The following DLGAP2 variants were observed in gnomAD, a reference collection of about 807,000 sequenced individuals.
DLGAP2 encodes DLG associated protein 2.
Under a neutral mutation model 100.3 loss-of-function variants are expected in DLGAP2, and 26 were observed. The ratio of observed to expected loss-of-function variants is 0.26; its 90% confidence interval spans 0.19 to 0.36. The LOEUF (loss-of-function observed/expected upper bound fraction) is 0.36. DLGAP2 is among the 10% of genes least tolerant of loss of function. The pLI is 1.00. For missense variants in DLGAP2, 1,858 were observed against 1,453.2 expected (o/e 1.28, Z -4.53); for synonymous variants, 886 against 630.1 (o/e 1.41, Z -6.08).
intron 12 of DLGAP2, among the ~76,000 whole-genome samples, chr8:1,681,088 T>C (rs549832902): frequency 3.3e-5 from 5 of 152,170 alleles, no homozygotes; most frequent in Admixed American, 1.3e-4. Flanking sequence ...GAGGTCATGT[T>C]TGTTTGTCAG....
chr8:1,012,844 C>T (rs185671310), intron 2 of DLGAP2, among the ~76,000 whole-genome samples: 88 of 151,988 alleles, frequency 5.8e-4, no homozygotes, highest in African/African-American at 2.1e-3. Flanking sequence ...CGCCTCCACC[C>T]ATCACGATAA....
At chr8:812,089 C>T (rs970821891) in intron 1 of DLGAP2, among the ~76,000 whole-genome samples, 3 of 152,224 alleles carry the variant, frequency 2.0e-5, no homozygotes, top group Non-Finnish European at 4.4e-5. Flanking sequence ...TGTGCTCCTC[C>T]ATCTCTGCAA....
At chr8:1,030,988 T>C (rs778965307) in intron 2 of DLGAP2, among the ~76,000 whole-genome samples, 4 of 152,214 alleles carry the variant, frequency 2.6e-5, no homozygotes, top group Non-Finnish European at 5.9e-5. Flanking sequence ...GTTGTTTTCA[T>C]TGTATTTAGA....
intron 1 of DLGAP2, among the ~76,000 whole-genome samples, chr8:788,332 G>A (rs1425026684): frequency 6.6e-6 from 1 of 152,218 alleles, no homozygotes; most frequent in African/African-American, 2.4e-5. Context: ...CTTGGCATCT[G>A]TGTTCACATG....
chr8:1,309,167 G>A (rs942779125), intron 3 of DLGAP2, among the ~76,000 whole-genome samples: 6 of 151,924 alleles, frequency 3.9e-5, no homozygotes, highest in Admixed American at 6.6e-5. Flanking sequence ...AAAAGAGAAC[G>A]AAATGAAAAG....
intron 1 of DLGAP2, among the ~76,000 whole-genome samples, chr8:844,453 C>A (rs1272347217): frequency 1.3e-5 from 2 of 152,198 alleles, no homozygotes; most frequent in African/African-American, 4.8e-5. Context: ...TCCTTCCTCA[C>A]CCATCAAGGA....
At chr8:1,412,168 C>T (rs577973804) in intron 3 of DLGAP2, among the ~76,000 whole-genome samples, 18 of 152,338 alleles carry the variant, frequency 1.2e-4, no homozygotes, top group African/African-American at 3.4e-4. Flanking sequence ...AGCTCCAGTG[C>T]TATGGCTCCC....
intron 3 of DLGAP2, among the ~76,000 whole-genome samples, chr8:1,324,619 C>CA (rs1800979366): frequency 6.6e-6 from 1 of 152,180 alleles, no homozygotes; most frequent in Admixed American, 6.5e-5. Flanking sequence ...AATGTAAGGA[C>CA]AAGTGTTATC....
intron 1 of DLGAP2, among the ~76,000 whole-genome samples, chr8:836,923 C>T (rs1236475112): frequency 1.3e-5 from 2 of 152,238 alleles, no homozygotes; most frequent in African/African-American, 2.4e-5. Context: ...CACATGCACA[C>T]ACCTGCTGCT....
In DLGAP2 at chr8:1,678,385, T is replaced by A; in HGVS notation, c.2460T>A (p.Thr820=). ...STPTQYSAVR[T]VRTQGLFSYR... is the part of the protein sequence containing the mutation. ...CCACCCAGTACAGCGCGGTGAGAAC[T>A]GTACGGACCCAGGGGCTCTTCAGCT... The change falls in exon 12 of 15, where the codon ACT becomes ACA. Residue 820 remains threonine, a synonymous_variant. Coordinates refer to ENST00000637795, the MANE Select transcript of DLGAP2 (RefSeq NM_001346810.2). The A allele has an allele frequency of 6.2e-7, 1 of 1,613,930 alleles. No individual in the cohort carries two copies. Among genetic ancestry groups the A allele is most frequent in the Non-Finnish European group, 8.5e-7 (1 of 1,179,856 alleles).
chr8:1,494,113 C>T (rs548362618), intron 3 of DLGAP2, among the ~76,000 whole-genome samples: 1 of 152,342 alleles, frequency 6.6e-6, no homozygotes, highest in East Asian at 1.9e-4. Context: ...CTGCAGGGCC[C>T]ACACACAGTG....
At chr8:1,139,616 A>G (rs1341364809) in intron 2 of DLGAP2, among the ~76,000 whole-genome samples, 3 of 152,158 alleles carry the variant, frequency 2.0e-5, no homozygotes, top group African/African-American at 7.2e-5. Flanking sequence ...AGTCCGTGGC[A>G]AGTAGGAAGC....
intron 3 of DLGAP2, among the ~76,000 whole-genome samples, chr8:1,500,721 C>A (rs1246745802): frequency 6.6e-6 from 1 of 152,240 alleles, no homozygotes; most frequent in Non-Finnish European, 1.5e-5. Context: ...CAGCCACATG[C>A]TGATGTCATT....
intron 1 of DLGAP2, among the ~76,000 whole-genome samples, chr8:838,502 C>G (rs985247310): frequency 6.6e-6 from 1 of 151,858 alleles, no homozygotes; most frequent in Non-Finnish European, 1.5e-5. Flanking sequence ...ATATATGGGT[C>G]TTCAGGAATT....
chr8:1,306,112 G>T (rs930237861), intron 3 of DLGAP2, among the ~76,000 whole-genome samples: 1 of 135,294 alleles, frequency 7.4e-6, no homozygotes, highest in Non-Finnish European at 1.6e-5. Flanking sequence ...AGAAAAAATA[G>T]AAAATCATCC....
At chr8:1,036,165 G>C (rs1237377363) in intron 2 of DLGAP2, among the ~76,000 whole-genome samples, 4 of 80,436 alleles carry the variant, frequency 5.0e-5, no homozygotes, top group Admixed American at 1.3e-4. Context: ...GGATTCACAC[G>C]CTCATCCCGA....
intron 2 of DLGAP2, among the ~76,000 whole-genome samples, chr8:934,577 G>A (rs776371174): frequency 2.8e-4 from 43 of 152,204 alleles, no homozygotes; most frequent in Non-Finnish European, 5.7e-4. Flanking sequence ...GAGGAAGCGA[G>A]TGCTCACTTC....
intron 3 of DLGAP2, among the ~76,000 whole-genome samples, chr8:1,392,276 C>T (rs1461661436): frequency 4.6e-5 from 7 of 152,068 alleles, no homozygotes; most frequent in African/African-American, 1.2e-4. Flanking sequence ...GATCCCAGGT[C>T]GAGGCGCAGT....
intron 2 of DLGAP2, among the ~76,000 whole-genome samples, chr8:999,868 C>G (rs967642058): frequency 2.6e-5 from 4 of 152,322 alleles, no homozygotes; most frequent in African/African-American, 7.2e-5. Flanking sequence ...AGTTCTTGCC[C>G]TGTTGAATTA....
Sources: gnomAD v4.1 joint callset for allele counts (sites outside exome capture counted in the v4.1 genomes callset) on GRCh38, gnomAD v4.1.1 for gene constraint, MANE v1.5 for transcripts, NCBI Gene and HGNC (gene_info 2026-07-23, HGNC 2026-07-21) for gene names.